The following HECW2 variants were observed in gnomAD, a reference collection of about 807,000 sequenced individuals.
HECW2 encodes HECT, C2 and WW domain containing E3 ubiquitin protein ligase 2.
A neutral mutation model predicts 175.2 loss-of-function variants in HECW2; 61 were observed. The ratio of observed to expected loss-of-function variants is 0.35; its 90% CI spans 0.28 to 0.43. The LOEUF (loss-of-function observed/expected upper bound fraction) is 0.43, where lower values mean the gene tolerates loss of function less well. HECW2 is among the 20% of genes least tolerant of loss of function. HECW2 has a pLI of 1.00. For synonymous variants in HECW2, 671 were observed against 731.0 expected, an observed-to-expected ratio of 0.92 and a Z score of 1.32; for missense variants, 1,524 against 2,000.5, an observed-to-expected ratio of 0.76 and a Z score of 4.54.
intron 10 of HECW2, among the ~76,000 whole-genome samples, chr2:196,309,700 C>A (rs1691411465): frequency 6.6e-6 from 1 of 152,034 alleles, no homozygotes; most frequent in Non-Finnish European, 1.5e-5. Flanking sequence ...AAGAAATGAC[C>A]AATTCTTCTC....
intron 2 of HECW2, among the ~76,000 whole-genome samples, chr2:196,419,026 C>A (rs916128703): frequency 6.6e-6 from 1 of 152,260 alleles, no homozygotes; most frequent in Non-Finnish European, 1.5e-5. Flanking sequence ...AACCAACTCT[C>A]GAATGAATTA....
At chr2:196,258,171 GTAC>G in intron 17 of HECW2, 1 of 447,612 alleles carries the variant, frequency 2.2e-6, no homozygotes, top group Non-Finnish European at 4.0e-6. Context: ...TGCTGCCCAA[GTAC>G]TATAAATAGT....
chr2:196,253,838 G>A, intron 19 of HECW2, 82 bp downstream of exon 19: 1 of 1,291,514 alleles, frequency 7.7e-7, no homozygotes, highest in Non-Finnish European at 1.1e-6. Context: ...TTCCCTTACT[G>A]TTCTGTCTTT....
intron 17 of HECW2, among the ~76,000 whole-genome samples, chr2:196,261,286 T>G (rs1441112610): frequency 6.6e-6 from 1 of 152,232 alleles, no homozygotes; most frequent in Non-Finnish European, 1.5e-5. Context: ...AAGAAAATTA[T>G]GCATTCATGC....
intron 21 of HECW2, among the ~76,000 whole-genome samples, chr2:196,234,812 C>T (rs1187531381): frequency 1.3e-5 from 2 of 152,194 alleles, no homozygotes; most frequent in Non-Finnish European, 2.9e-5. Context: ...CGTGCAATTT[C>T]ACGCCACATT....
chr2:196,581,299 C>T (rs1429609688), intron 1 of HECW2, among the ~76,000 whole-genome samples: 2 of 152,132 alleles, frequency 1.3e-5, no homozygotes, highest in African/African-American at 2.4e-5. Context: ...CTTTGGGAGG[C>T]CAAGACAGGA....
intron 14 of HECW2, among the ~76,000 whole-genome samples, chr2:196,283,245 G>C (rs1690254696): frequency 1.0e-5 from 1 of 99,808 alleles, no homozygotes; most frequent in Non-Finnish European, 1.8e-5. Context: ...CTGGGTGACA[G>C]AGCAAGACTC....
At chr2:196,480,052 C>A (rs561662833) in intron 1 of HECW2, among the ~76,000 whole-genome samples, 3 of 152,310 alleles carry the variant, frequency 2.0e-5, no homozygotes, top group South Asian at 2.1e-4. Context: ...GCCACTCCCC[C>A]CAAAATACCT....
intron 2 of HECW2, among the ~76,000 whole-genome samples, chr2:196,370,687 G>A (rs1337041583): frequency 6.6e-6 from 1 of 152,146 alleles, no homozygotes; most frequent in Non-Finnish European, 1.5e-5. Context: ...AGGCTTCCTG[G>A]GATTCAGGTT....
At chr2:196,228,718 T>C (rs976402759) in intron 21 of HECW2, among the ~76,000 whole-genome samples, 3 of 152,212 alleles carry the variant, frequency 2.0e-5, no homozygotes, top group African/African-American at 7.2e-5. Flanking sequence ...TATTTTTAAA[T>C]GGGAGAAGAA....
chr2:196,550,781 T>G (rs1218320971), intron 1 of HECW2, among the ~76,000 whole-genome samples: 1 of 152,220 alleles, frequency 6.6e-6, no homozygotes, highest in Non-Finnish European at 1.5e-5. Context: ...AAGAATGTAC[T>G]ATAATTTATT....
intron 2 of HECW2, among the ~76,000 whole-genome samples, chr2:196,370,676 G>A (rs1438558768): frequency 6.6e-6 from 1 of 152,116 alleles, no homozygotes; most frequent in Non-Finnish European, 1.5e-5. Context: ...CCATGGTGGC[G>A]AGGCTTCCTG....
intron 1 of HECW2, among the ~76,000 whole-genome samples, chr2:196,500,633 C>A (rs1687548302): frequency 6.6e-6 from 1 of 152,206 alleles, no homozygotes; most frequent in Non-Finnish European, 1.5e-5. Flanking sequence ...ATTAACACCA[C>A]TTTACCATTT....
chr2:196,367,989 C>CAT (rs975608971), intron 2 of HECW2, among the ~76,000 whole-genome samples: 72 of 150,658 alleles, frequency 4.8e-4, no homozygotes, highest in South Asian at 3.6e-3. Context: ...ATATATGATA[C>CAT]ATATATATAT....
chr2:196,390,749 A>G (rs901804683), intron 2 of HECW2, among the ~76,000 whole-genome samples: 11 of 152,324 alleles, frequency 7.2e-5, no homozygotes, highest in African/African-American at 2.6e-4. Context: ...CATTCTTTGC[A>G]AAACATGTCA....
At chr2:196,213,675 G>A (rs768927499) in intron 28 of HECW2, among the ~76,000 whole-genome samples, 4 of 152,178 alleles carry the variant, frequency 2.6e-5, no homozygotes, top group Admixed American at 6.5e-5. Flanking sequence ...GTGAAGACAG[G>A]GAGAAAGGAC....
At chr2:196,382,341 G>C (rs1575483992) in intron 2 of HECW2, among the ~76,000 whole-genome samples, 1 of 151,642 alleles carries the variant, frequency 6.6e-6, no homozygotes, top group Non-Finnish European at 1.5e-5. Context: ...AGAAAAAAAG[G>C]GAAAAATTTG....
At chr2:196,545,832 A>T (rs1342764641) in intron 1 of HECW2, among the ~76,000 whole-genome samples, 1 of 152,184 alleles carries the variant, frequency 6.6e-6, no homozygotes, top group Non-Finnish European at 1.5e-5. Context: ...AAAACCACTT[A>T]ATAGATTATA....
intron 1 of HECW2, among the ~76,000 whole-genome samples, chr2:196,449,957 C>T (rs191990282): frequency 6.6e-6 from 1 of 152,248 alleles, no homozygotes; most frequent in East Asian, 1.9e-4. Flanking sequence ...ATTAGCACTC[C>T]TTGTCTCCTC....
Sources: gnomAD v4.1 joint callset for allele counts (sites outside exome capture counted in the v4.1 genomes callset) on GRCh38, gnomAD v4.1.1 for gene constraint, MANE v1.5 for transcripts, NCBI Gene and HGNC (gene_info 2026-07-23, HGNC 2026-07-21) for gene names.